The following ANKFN1 variants were observed in gnomAD, a reference collection of about 807,000 sequenced individuals.
The protein encoded by ANKFN1 is ankyrin repeat and fibronectin type III domain containing 1.
In ANKFN1, 74 loss-of-function variants were observed where a neutral mutation model predicts 108.7. The observed-to-expected ratio is 0.68, with a 90% CI of 0.56 to 0.83. The LOEUF is 0.83. ANKFN1 is among the 40% of genes least tolerant of loss of function. The pLI is 0.00. For missense variants in ANKFN1, 1,505 were observed against 1,382.3 expected, an observed-to-expected ratio of 1.09 and a Z score of -1.41; for synonymous variants, 547 against 516.2, an observed-to-expected ratio of 1.06 and a Z score of -0.81.
chr17:56,482,817 G>T (rs377041766), intron 18 of ANKFN1, among the ~76,000 whole-genome samples: 11 of 152,076 alleles, frequency 7.2e-5, no homozygotes, highest in Admixed American at 4.6e-4. Flanking sequence ...TTCTTAAAAC[G>T]TAAATATAAA....
chr17:56,264,197 A>G (rs950190468), intron 3 of ANKFN1, among the ~76,000 whole-genome samples: 1 of 152,238 alleles, frequency 6.6e-6, no homozygotes, highest in African/African-American at 2.4e-5. Flanking sequence ...GAATAAAGTC[A>G]GGTGACCACA....
intron 2 of ANKFN1, among the ~76,000 whole-genome samples, chr17:56,226,180 C>T (rs1164455162): frequency 6.6e-6 from 1 of 152,052 alleles, no homozygotes; most frequent in Non-Finnish European, 1.5e-5. Flanking sequence ...GTTAGTGCCA[C>T]ATGTGAGATC....
intron 3 of ANKFN1, among the ~76,000 whole-genome samples, chr17:56,317,937 A>G (rs1013391540): frequency 3.9e-5 from 6 of 152,166 alleles, no homozygotes; most frequent in Admixed American, 3.9e-4. Context: ...GACACGATAC[A>G]CATTGTCTCC....
At chr17:56,405,048 G>A (rs562387153) in intron 8 of ANKFN1, among the ~76,000 whole-genome samples, 1 of 152,306 alleles carries the variant, frequency 6.6e-6, no homozygotes, top group South Asian at 2.1e-4. Context: ...ACCAGCACCT[G>A]TTCCAGTGGA....
chr17:56,124,557 T>C (rs1016010927), intron 4 of ANKFN1, among the ~76,000 whole-genome samples: 2 of 152,320 alleles, frequency 1.3e-5, no homozygotes, highest in Middle Eastern at 3.4e-3. Flanking sequence ...GACAGGAGTC[T>C]GGCTTTATCC....
chr17:56,366,495 CCACT>C (rs1322330089), intron 6 of ANKFN1, among the ~76,000 whole-genome samples: 2 of 152,204 alleles, frequency 1.3e-5, no homozygotes, highest in African/African-American at 4.8e-5. Context: ...CATTCACTCA[CCACT>C]CACTCACTGA....
At chr17:56,425,945 C>T (rs920972113) in intron 8 of ANKFN1, among the ~76,000 whole-genome samples, 2 of 152,128 alleles carry the variant, frequency 1.3e-5, no homozygotes, top group Non-Finnish European at 2.9e-5. Flanking sequence ...AGAAGGGTGT[C>T]AGTTAGAGTC....
intron 4 of ANKFN1, among the ~76,000 whole-genome samples, chr17:56,075,858 C>A (rs772745656): frequency 6.6e-6 from 1 of 152,116 alleles, no homozygotes; most frequent in Non-Finnish European, 1.5e-5. Flanking sequence ...CCATGTCAAG[C>A]ACTGACGGCA....
At position 56,326,376 on chromosome 17, in the gene ANKFN1, T is replaced by A. The variant is rs201988268; in HGVS notation, c.188+21T>A. Reference sequence around the variant, plus strand: ...AACTGGTAAGTCAAATTTACTGTTGTCTTTCTTCATGTGAATATGGAGCTT... The same window carrying A: ...AACTGGTAAGTCAAATTTACTGTTGACTTTCTTCATGTGAATATGGAGCTT... On this transcript the variant is annotated intron_variant, in intron 4 of 20. Coordinates refer to ENST00000682825, the MANE Select transcript of ANKFN1 (RefSeq NM_001370326.1). The A allele has an allele frequency of 2.0e-4, 320 of 1,602,958 alleles. 3 individuals carry two copies. The East Asian group carries it at 4.0e-3, about 20-fold the overall frequency.
chr17:56,484,896 C>T (rs1010661000), intron 18 of ANKFN1, among the ~76,000 whole-genome samples: 2 of 152,152 alleles, frequency 1.3e-5, no homozygotes, highest in Admixed American at 1.3e-4. Context: ...AACTTGGTAT[C>T]AATCGTTATA....
chr17:56,285,835 AATGATG>A (rs57493010), intron 3 of ANKFN1, among the ~76,000 whole-genome samples: 3,050 of 150,126 alleles, frequency 0.02, 52 homozygotes, highest in African/African-American at 0.035. Context: ...CCTGTCAGAC[AATGATG>A]ATGATGATGA....
At chr17:56,162,290 A>G (rs923249426) in intron 1 of ANKFN1, among the ~76,000 whole-genome samples, 5 of 152,242 alleles carry the variant, frequency 3.3e-5, no homozygotes, top group Non-Finnish European at 7.3e-5. Flanking sequence ...AAACTACCAT[A>G]GACTGAGTGG....
At chr17:56,416,549 G>A (rs1013703487) in intron 8 of ANKFN1, among the ~76,000 whole-genome samples, 2 of 152,122 alleles carry the variant, frequency 1.3e-5, no homozygotes, top group Non-Finnish European at 2.9e-5. Flanking sequence ...CAAAAGATAG[G>A]CAATAACAAA....
chr17:56,215,572 G>A (rs1483383725), intron 2 of ANKFN1, among the ~76,000 whole-genome samples: 1 of 152,180 alleles, frequency 6.6e-6, no homozygotes, highest in Non-Finnish European at 1.5e-5. Flanking sequence ...GCTCAGGGTA[G>A]CCCAAGCATA....
chr17:56,137,267 T>G (rs2143375533), intron 4 of ANKFN1, among the ~76,000 whole-genome samples: 1 of 152,314 alleles, frequency 6.6e-6, no homozygotes, highest in South Asian at 2.1e-4. Flanking sequence ...TGGAGGTTTG[T>G]GGATGAATGA....
rs1174218124 is a variant in ANKFN1 at position 56,458,618 on chromosome 17, T to G, written c.1557+639T>G. 2.0e-5 allele frequency among the ~76,000 whole-genome samples: 3 copies of G among 152,214 alleles called. No individual in the cohort carries two copies. In the South Asian group the frequency reaches 6.2e-4, roughly 31 times the overall value. ...AGCTCCTCCTAGAAGTAGCATTAAA[T>G]TCTAACCAAGATTTTCTGGGTTTTC... is the stretch of plus-strand genomic sequence containing the variant. On this transcript the variant is annotated intron_variant, in intron 14 of 20. Coordinates refer to ENST00000682825, the MANE Select transcript of ANKFN1 (RefSeq NM_001370326.1).
intron 4 of ANKFN1, among the ~76,000 whole-genome samples, chr17:56,062,611 A>G (rs1166575212): frequency 1.2e-5 from 1 of 82,308 alleles, no homozygotes; most frequent in Non-Finnish European, 2.7e-5. Flanking sequence ...CCATCCCTTT[A>G]TTTTGAGCCT....
intron 3 of ANKFN1, among the ~76,000 whole-genome samples, chr17:56,311,019 T>G (rs1252354508): frequency 6.6e-6 from 1 of 152,230 alleles, no homozygotes; most frequent in African/African-American, 2.4e-5. Flanking sequence ...TCATGAAGTA[T>G]TTCTCTTCTT....
At chr17:56,315,774 C>T (rs555797740) in intron 3 of ANKFN1, among the ~76,000 whole-genome samples, 1 of 152,172 alleles carries the variant, frequency 6.6e-6, no homozygotes, top group African/African-American at 2.4e-5. Flanking sequence ...AGTTCAGAGT[C>T]TGGGACAAAA....
Sources: gnomAD v4.1 joint callset for allele counts (sites outside exome capture counted in the v4.1 genomes callset) on GRCh38, gnomAD v4.1.1 for gene constraint, MANE v1.5 for transcripts, NCBI Gene and HGNC (gene_info 2026-07-23, HGNC 2026-07-21) for gene names.